CHLSN: variants seen among roughly 807,000 people sequenced by gnomAD.
The protein encoded by CHLSN is protein cholesin.
At chr7:1,117,638 C>T in the CHLSN span, among the ~76,000 whole-genome samples, 5 of 138,390 alleles carry the variant, frequency 3.6e-5, no homozygotes, top group African/African-American at 1.1e-4. Flanking sequence ...GACATCACTA[C>T]AGCTCTACGG....
chr7:992,960 G>A, the CHLSN span, among the ~76,000 whole-genome samples: 1 of 152,200 alleles, frequency 6.6e-6, no homozygotes, highest in African/African-American at 2.4e-5. Flanking sequence ...GGGTGTCTGA[G>A]GTCAGAGTGC....
the CHLSN span, among the ~76,000 whole-genome samples, chr7:1,075,083 C>G: frequency 6.6e-6 from 1 of 152,166 alleles, no homozygotes; most frequent in Non-Finnish European, 1.5e-5. Flanking sequence ...CTGCAGCATC[C>G]CAGGAGCAGC....
At chr7:1,092,607 C>T in the CHLSN span, 1 of 1,612,026 alleles carries the variant, frequency 6.2e-7, no homozygotes, top group Non-Finnish European at 8.5e-7. Context: ...GGGCCGCTCC[C>T]TGCAAGCAGT....
At chr7:1,127,853 C>T in the CHLSN span, among the ~76,000 whole-genome samples, 33 of 74,498 alleles carry the variant, frequency 4.4e-4, 2 homozygotes, top group South Asian at 1.2e-3. Flanking sequence ...TCGGCTCATC[C>T]CACCGTCACC....
At chr7:1,000,527 C>A in the CHLSN span, 1 of 1,609,160 alleles carries the variant, frequency 6.2e-7, no homozygotes. Flanking sequence ...TCTGAAACCT[C>A]CAGTTCTTGT....
chr7:1,111,494 G>GT, the CHLSN span, among the ~76,000 whole-genome samples: 5 of 152,188 alleles, frequency 3.3e-5, no homozygotes, highest in Admixed American at 2.6e-4. Context: ...GCTGTTTGTC[G>GT]TTTTGCTTAA....
chr7:1,030,197 C>T, the CHLSN span, among the ~76,000 whole-genome samples: 2 of 152,194 alleles, frequency 1.3e-5, no homozygotes, highest in African/African-American at 4.8e-5. Context: ...CGCGCATCCA[C>T]CTGTCTTCCC....
At chr7:1,058,572 A>G in the CHLSN span, 1 of 701,560 alleles carries the variant, frequency 1.4e-6, no homozygotes, top group East Asian at 2.5e-5. Context: ...GCACTTAGTT[A>G]CCCTGGACGC....
chr7:1,082,895 T>C, the CHLSN span, among the ~76,000 whole-genome samples: 3 of 152,148 alleles, frequency 2.0e-5, no homozygotes, highest in African/African-American at 7.2e-5. Flanking sequence ...AAGAAAGGGT[T>C]CACGATGTCT....
chr7:1,088,137 C>G, the CHLSN span: 1 of 152,432 alleles, frequency 6.6e-6, no homozygotes, highest in Non-Finnish European at 1.5e-5. The surrounding 1 kb of genome is among the most constrained non-coding windows in gnomAD (Gnocchi z 4.5). Flanking sequence ...AGGACGCACC[C>G]GCCAGCCAGC....
the CHLSN span, among the ~76,000 whole-genome samples, chr7:1,016,500 GCAGCACAGCAGCGCACAGCAGCACACAC>G: frequency 2.7e-5 from 3 of 112,844 alleles, no homozygotes; most frequent in East Asian, 8.1e-4. Flanking sequence ...GCAGCGCACA[GCAGCACAGCAGCGCACAGCAGCACACAC>G]CAGCACAAAG....
the CHLSN span, among the ~76,000 whole-genome samples, chr7:991,100 C>A: frequency 2.6e-5 from 4 of 152,070 alleles, no homozygotes; most frequent in African/African-American, 9.7e-5. Context: ...TCTCCTTGGG[C>A]CCAGGGGAGC....
the CHLSN span, among the ~76,000 whole-genome samples, chr7:1,030,787 A>G: frequency 2.0e-5 from 3 of 151,806 alleles, no homozygotes; most frequent in Non-Finnish European, 4.4e-5. Context: ...CTCCCCGGGC[A>G]GGTGGGACTC....
At chr7:991,093 C>T in the CHLSN span, among the ~76,000 whole-genome samples, 6 of 152,098 alleles carry the variant, frequency 3.9e-5, no homozygotes, top group Admixed American at 1.3e-4. Context: ...GTATTCATCT[C>T]CTTGGGCCCA....
chr7:1,036,885 GTA>G, the CHLSN span, among the ~76,000 whole-genome samples: 1 of 148,214 alleles, frequency 6.7e-6, no homozygotes, highest in African/African-American at 2.4e-5. Flanking sequence ...TGAGGCAGGA[GTA>G]TCTCTTGAGC....
chr7:1,028,347 C>G, the CHLSN span: 1 of 1,016,940 alleles, frequency 9.8e-7, no homozygotes, highest in South Asian at 3.3e-5. Flanking sequence ...GCGCCTCCAG[C>G]AGCCTCAGCG....
the CHLSN span, among the ~76,000 whole-genome samples, chr7:1,077,537 A>G: frequency 6.6e-6 from 1 of 152,202 alleles, no homozygotes; most frequent in Non-Finnish European, 1.5e-5. Context: ...CCCAGGTCCT[A>G]TTTGAAGTTG....
At chr7:1,024,850 G>C in the CHLSN span, 1 of 152,410 alleles carries the variant, frequency 6.6e-6, no homozygotes, top group Non-Finnish European at 1.5e-5. Flanking sequence ...CATTTCACAG[G>C]TATCCATTCC....
the CHLSN span, among the ~76,000 whole-genome samples, chr7:1,002,935 T>G: frequency 1.2e-5 from 1 of 80,042 alleles, no homozygotes. Context: ...GGGTAGGGAG[T>G]CCTGTGGGTG....
Sources: gnomAD v4.1 joint callset for allele counts (sites outside exome capture counted in the v4.1 genomes callset) on GRCh38, gnomAD v4.1.1 for gene constraint, Gnocchi (gnomAD v3.1) non-coding constraint, MANE v1.5 for transcripts, NCBI Gene and HGNC (gene_info 2026-07-23, HGNC 2026-07-21) for gene names.